Variants in DYSF observed in about 807,000 individuals in gnomAD.
DYSF encodes the protein dysferlin, also known as dystrophy-associated fer-1-like 1.
DYSF carries 212 observed loss-of-function variants against 274.9 expected under a neutral mutation model. The ratio of observed to expected loss-of-function variants is 0.77; its 90% CI spans 0.69 to 0.86. The LOEUF (loss-of-function observed/expected upper bound fraction) is 0.86, where lower values mean the gene tolerates loss of function less well. Ranked by LOEUF, DYSF falls within the 40% of genes least tolerant of loss-of-function variation. The pLI, the probability that DYSF is intolerant of heterozygous loss-of-function variation, is 0.00. For missense variants in DYSF, 2,666 were observed against 2,783.2 expected, an observed-to-expected ratio of 0.96 and a Z score of 0.95; for synonymous variants, 1,091 against 1,078.7, an observed-to-expected ratio of 1.01 and a Z score of -0.22.
chr2:71,651,879 T>C (rs1330045069), intron 42 of DYSF, among the ~76,000 whole-genome samples: 1 of 152,192 alleles, frequency 6.6e-6, no homozygotes, highest in Non-Finnish European at 1.5e-5. Context: ...ATCATATCAG[T>C]AGGTAACATT....
intron 17 of DYSF, 41 bp downstream of exon 17, chr2:71,539,280 C>G (rs772709318): frequency 7.7e-6 from 12 of 1,562,670 alleles, no homozygotes; most frequent in Non-Finnish European, 1.1e-5. Flanking sequence ...CCCCTGTGCT[C>G]TCCCCCGTAC....
Position 71,503,235 on chromosome 2 carries a change from C to T in DYSF, c.261C>T (p.Val87=), listed in dbSNP as rs2085166611. The T allele has an allele frequency of 6.2e-7, 1 of 1,614,082 alleles. No homozygotes were observed. Among genetic ancestry groups the T allele is most frequent in the East Asian group, 2.2e-5 (1 of 44,870 alleles). ...TCAGGTTCCTGGGGGAAGCCAAGGT[C>T]CCACTCCGAGAGGTCCTCGCCACCC... ...GRNRFLGEAK[V]PLREVLATPS... The change falls in exon 4 of 56, where the codon GTC becomes GTT. Residue 87 remains valine, a synonymous_variant. Transcript: ENST00000410020.
intron 1 of DYSF, among the ~76,000 whole-genome samples, chr2:71,456,307 C>A (rs748038096): frequency 2.2e-4 from 33 of 152,214 alleles, no homozygotes; most frequent in South Asian, 4.1e-4. Context: ...CCAGGCAGTC[C>A]TGGGGAATGC....
chr2:71,465,271 G>T (rs1362395836), upstream of DYSF, among the ~76,000 whole-genome samples: 1 of 152,148 alleles, frequency 6.6e-6, no homozygotes, highest in African/African-American at 2.4e-5. Flanking sequence ...TTACCAGTGG[G>T]GAGTACGGGT....
At chr2:71,526,605 C>G (rs1253983462) in intron 13 of DYSF, among the ~76,000 whole-genome samples, 3 of 152,232 alleles carry the variant, frequency 2.0e-5, no homozygotes, top group Non-Finnish European at 4.4e-5. Flanking sequence ...TCTGTGGACC[C>G]ATTTTCTTAG....
intron 3 of DYSF, among the ~76,000 whole-genome samples, chr2:71,487,511 T>TGTG (rs2083456809): frequency 6.6e-6 from 1 of 152,120 alleles, no homozygotes; most frequent in Admixed American, 6.5e-5. Flanking sequence ...GCTGGCATTT[T>TGTG]GTTGTTGTTG....
chr2:71,472,573 A>AT (rs772350517), intron 1 of DYSF, among the ~76,000 whole-genome samples: 32 of 152,148 alleles, frequency 2.1e-4, no homozygotes, highest in Admixed American at 4.6e-4. Flanking sequence ...CGCCAGGCTA[A>AT]TTTTTTGTAT....
intron 41 of DYSF, among the ~76,000 whole-genome samples, chr2:71,632,854 T>G (rs547707285): frequency 1.3e-5 from 2 of 152,338 alleles, no homozygotes; most frequent in African/African-American, 4.8e-5. Context: ...CCCGACTCTC[T>G]GTGAGTCCCC....
At chr2:71,515,860 C>T in intron 8 of DYSF, 109 bp downstream of exon 8, 1 of 1,503,724 alleles carries the variant, frequency 6.7e-7, no homozygotes, top group Non-Finnish European at 9.0e-7. Flanking sequence ...TGGCGCTGAC[C>T]TTGGGTGGTG....
At chr2:71,535,114 C>T in intron 15 of DYSF, 25 bp downstream of exon 15, 1 of 1,613,734 alleles carries the variant, frequency 6.2e-7, no homozygotes. Flanking sequence ...CCCAGCAAAC[C>T]CAAGGAGGCC....
intron 17 of DYSF, among the ~76,000 whole-genome samples, chr2:71,541,845 T>G (rs1306306032): frequency 6.6e-6 from 1 of 152,242 alleles, no homozygotes; most frequent in Non-Finnish European, 1.5e-5. Flanking sequence ...AGTCTATTTT[T>G]TTTTCCTGAC....
intron 40 of DYSF, among the ~76,000 whole-genome samples, chr2:71,618,702 A>G (rs978240255): frequency 2.8e-5 from 4 of 144,058 alleles, no homozygotes; most frequent in Non-Finnish European, 6.1e-5. Context: ...TGTGCGTGGT[A>G]GAGATGGTGT....
At chr2:71,519,496 C>A (rs1023538965) in intron 10 of DYSF, among the ~76,000 whole-genome samples, 6 of 152,182 alleles carry the variant, frequency 3.9e-5, no homozygotes, top group African/African-American at 1.4e-4. Flanking sequence ...GCCCCTGCTG[C>A]CCCCTGCAGC....
intron 48 of DYSF, 89 bp downstream of exon 48, chr2:71,667,604 G>C: frequency 6.4e-7 from 1 of 1,569,708 alleles, no homozygotes; most frequent in Non-Finnish European, 8.7e-7. Flanking sequence ...AGGAGCCAGT[G>C]GGTCCCTTGA....
At position 71,645,576 on chromosome 2, in the gene DYSF, C is replaced by T. The variant is rs914068583; in HGVS notation, c.4626+1513C>T. On this transcript the variant is annotated intron_variant, in intron 42 of 55. Transcript: ENST00000410020. ...TTATAGGCACAGAATGGGGGTGTGG[C>T]AGGCCAGGATGGTCTTGGGAAATGC... 1.1e-4 allele frequency among the ~76,000 whole-genome samples: 17 copies of T among 151,356 alleles called. No homozygotes were observed. In the East Asian group the frequency reaches 3.3e-3, roughly 30 times the overall value.
In DYSF at chr2:71,611,324, C is replaced by T. The variant is rs201476613; in HGVS notation, c.4037C>T (p.Ala1346Val). 296 of 1,613,976 alleles carry T rather than the reference C, an allele frequency of 1.8e-4. 1 individual carries two copies. The South Asian group carries it at 2.2e-3, about 12-fold the overall frequency. ...ATGGTTCCTCAGAACATCAAGCCAG[C>T]GCTCCAGCGTACCGCCATCGAGGTG... ...IYMVPQNIKP[A>V]LQRTAIEILA... is the part of the protein sequence containing the mutation. Residue 1346 changes from alanine (A) to valine (V), a missense_variant, in exon 37 of 56, where the codon GCG (alanine) becomes GTG (valine). Ala to Val is a moderately conservative substitution (Grantham distance 64, BLOSUM62 0). Coordinates refer to ENST00000410020, the MANE Select transcript of DYSF (RefSeq NM_001130987.2).
chr2:71,500,851 G>A (rs565403347), intron 3 of DYSF, among the ~76,000 whole-genome samples: 14 of 152,106 alleles, frequency 9.2e-5, no homozygotes, highest in South Asian at 2.1e-4. Context: ...CTAGATACCC[G>A]GGTCCTGGGG....
chr2:71,583,925 A>G lies in DYSF; in HGVS notation c.3403-5668A>G, dbSNP rs139068194. On this transcript the variant is annotated intron_variant, in intron 30 of 55. Coordinates refer to ENST00000410020, the MANE Select transcript of DYSF (RefSeq NM_001130987.2). Reference sequence around the variant, plus strand: ...CTCTGGGAGGCAGAGAGTTCCTCATATTCCTATGCTCAGGCTCCTCCAGGG... The same window carrying G: ...CTCTGGGAGGCAGAGAGTTCCTCATGTTCCTATGCTCAGGCTCCTCCAGGG... Among the ~76,000 whole-genome samples, 235 of 152,244 alleles carry G rather than the reference A, an allele frequency of 1.5e-3. 1 individual carries two copies. The highest frequency in any genetic ancestry group is 4.9e-3 in the African/African-American group (202 of 41,566).
intron 41 of DYSF, among the ~76,000 whole-genome samples, chr2:71,632,884 A>G (rs1022434249): frequency 6.6e-6 from 1 of 152,194 alleles, no homozygotes; most frequent in Non-Finnish European, 1.5e-5. Context: ...GAGCAGGCCA[A>G]TAGTCAAGTG....
Sources: allele counts gnomAD v4.1 joint callset (sites outside exome capture counted in the v4.1 genomes callset), GRCh38; gene constraint gnomAD v4.1.1; transcripts MANE v1.5; gene names NCBI Gene and HGNC (gene_info 2026-07-23, HGNC 2026-07-21).